The following CXXC4 variants were observed in gnomAD, a reference collection of about 807,000 sequenced individuals.
The protein encoded by CXXC4 is CXXC-type zinc finger protein 4.
A neutral mutation model predicts 20.5 loss-of-function variants in CXXC4; 5 were observed. The observed-to-expected ratio is 0.24, with a 90% confidence interval of 0.13 to 0.51. The LOEUF (loss-of-function observed/expected upper bound fraction) is 0.51. CXXC4 is among the 20% of genes least tolerant of loss of function. CXXC4 has a pLI of 0.97. For missense variants in CXXC4, 419 were observed against 496.4 expected, an observed-to-expected ratio of 0.84 and a Z score of 1.48; for synonymous variants, 250 against 216.4, an observed-to-expected ratio of 1.16 and a Z score of -1.36.
chr4:104,491,341 G>T lies in CXXC4; in HGVS notation c.462C>A (p.Pro154=), dbSNP rs773309627. 1.3e-6 allele frequency: 2 copies of T among 1,547,072 alleles called. No individual in the cohort carries two copies. Among genetic ancestry groups the T allele is most frequent in the East Asian group, 5.0e-5 (2 of 40,172 alleles). Residue 154 remains proline, a synonymous_variant, in exon 2 of 3, where the codon CCC becomes CCA. Transcript: ENST00000394767. ...CGCCGCCGCCGCCGCCACCGCCGGCGGGGAGGATCGCCGAGGAGGAGGAGG... is the reference window on the plus strand; with the variant it reads ...CGCCGCCGCCGCCGCCACCGCCGGCTGGGAGGATCGCCGAGGAGGAGGAGG... ...SSASSSSAIL[P]AGGGGGGGGG...
chr4:104,484,989 TA>T (rs781593246), intron 2 of CXXC4, among the ~76,000 whole-genome samples: 46 of 152,150 alleles, frequency 3.0e-4, no homozygotes, highest in Admixed American at 6.5e-4. Context: ...ATGCTAGATT[TA>T]AAAGTATGTT....
intron 2 of CXXC4, among the ~76,000 whole-genome samples, chr4:104,472,800 G>A (rs1196449801): frequency 1.3e-5 from 2 of 151,904 alleles, no homozygotes; most frequent in African/African-American, 4.8e-5. Flanking sequence ...ACATAATGAA[G>A]AAAGAAAGGA....
chr4:104,486,905 T>C (rs1736712449), intron 2 of CXXC4, among the ~76,000 whole-genome samples: 2 of 152,156 alleles, frequency 1.3e-5, no homozygotes, highest in African/African-American at 4.8e-5. Flanking sequence ...ACAATTGCCA[T>C]TTATGGTTGG....
At chr4:104,489,178 T>A (rs535270356) in intron 2 of CXXC4, among the ~76,000 whole-genome samples, 2 of 152,246 alleles carry the variant, frequency 1.3e-5, no homozygotes, top group Admixed American at 6.5e-5. Context: ...TAATAAACCA[T>A]CCAGGAGTAA....
chr4:104,487,156 A>G (rs1736721529), intron 2 of CXXC4, among the ~76,000 whole-genome samples: 1 of 152,136 alleles, frequency 6.6e-6, no homozygotes, highest in Admixed American at 6.5e-5. Flanking sequence ...CCAGTCTCTC[A>G]ATGTCTTCAC....
At chr4:104,483,455 C>T (rs531200035) in intron 2 of CXXC4, among the ~76,000 whole-genome samples, 2 of 151,798 alleles carry the variant, frequency 1.3e-5, no homozygotes, top group Admixed American at 6.6e-5. Context: ...CCAGCTATTC[C>T]GATTAATGCT....
chr4:104,480,433 T>C (rs933422532), intron 2 of CXXC4, among the ~76,000 whole-genome samples: 1 of 152,202 alleles, frequency 6.6e-6, no homozygotes, highest in Non-Finnish European at 1.5e-5. Flanking sequence ...CAGTTCATTA[T>C]AGGGGTTGGA....
In CXXC4 at chr4:104,469,688, GAACTTTAT is replaced by G. The variant is rs1448401951; in HGVS notation, c.*2626_*2633del. On this transcript the variant is annotated 3_prime_UTR_variant, in exon 3 of 3. Coordinates refer to ENST00000394767, the MANE Select transcript of CXXC4 (RefSeq NM_025212.4). ...TCTCTTTCTTCAACATCACCAATGA[GAACTTTAT>G]ATGCATCCTACATTATATAAATGGA... The G allele has an allele frequency of 6.6e-6, 1 of 151,854 alleles. No individual in the cohort carries two copies. 9.4% of individuals were successfully genotyped at this position (151,854 alleles called of 1,614,324 possible). A position where few individuals can be genotyped will look rare whatever the true frequency, so the allele number is the denominator to read the frequency against.
intron 2 of CXXC4, 33 bp downstream of exon 2, chr4:104,490,711 G>A: frequency 1.3e-6 from 2 of 1,555,344 alleles, no homozygotes; most frequent in Non-Finnish European, 1.8e-6. Flanking sequence ...GGGAAGGGGG[G>A]AGACTGGGAA....
At chr4:104,481,304 C>T (rs540671214) in intron 2 of CXXC4, among the ~76,000 whole-genome samples, 3 of 152,102 alleles carry the variant, frequency 2.0e-5, no homozygotes, top group East Asian at 1.9e-4. Flanking sequence ...CTGGGGTGGG[C>T]GGATTACATG....
At chr4:104,487,512 G>C (rs183085428) in intron 2 of CXXC4, among the ~76,000 whole-genome samples, 186 of 152,202 alleles carry the variant, frequency 1.2e-3, no homozygotes, top group African/African-American at 4.1e-3. Context: ...AAAACTGAAG[G>C]ATTATCTTTG....
chr4:104,475,616 G>A (rs1172459150), intron 2 of CXXC4, among the ~76,000 whole-genome samples: 1 of 152,096 alleles, frequency 6.6e-6, no homozygotes, highest in Non-Finnish European at 1.5e-5. Flanking sequence ...AACTAATGAG[G>A]TTATCCTTGT....
intron 1 of CXXC4, among the ~76,000 whole-genome samples, chr4:104,492,314 A>C (rs1031866939): frequency 4.0e-5 from 6 of 150,410 alleles, no homozygotes; most frequent in African/African-American, 1.2e-4. Flanking sequence ...ATGTATTAAT[A>C]GCCAGGATAC....
Position 104,470,883 on chromosome 4 carries a change from C to T in CXXC4, c.*1439G>A, listed in dbSNP as rs1051252516. ...GATGGGACGGCCTTAAGAACCCTGA[C>T]TGTGATAAGAAAACCAACTCCAACA... On this transcript the variant is annotated 3_prime_UTR_variant, in exon 3 of 3. Coordinates refer to ENST00000394767, the MANE Select transcript of CXXC4 (RefSeq NM_025212.4). The T allele has an allele frequency of 6.6e-6, 1 of 152,022 alleles. No homozygotes were observed. The highest frequency in any genetic ancestry group is 2.4e-5 in the African/African-American group (1 of 41,402). The allele number at this position is 152,022 out of a possible 1,614,324, so 9.4% of individuals were successfully genotyped here.
rs1736847217 is a variant in CXXC4, at chr4:104,491,291, T to C, written c.512A>G (p.His171Arg). The change falls in exon 2 of 3, where the codon CAC becomes CGC. Residue 171 changes from histidine (H) to arginine (R), a missense_variant. This residue lies in a region of CXXC4 where 388 missense variants were observed against 416.0 expected (regional missense o/e 0.93). Transcript: ENST00000394767. ...CAGCCTCTGGGAGTCGTTTCGGTGG[T>C]GCATGCTGGTCCTGCTGCCGCCGCC... is the stretch of plus-strand genomic sequence containing the variant. Reference protein sequence around the residue: ...GGGGGSRTSMHHRNDSQRLGK... With the variant: ...GGGGGSRTSMRHRNDSQRLGK... 2 of 1,610,148 alleles carry C rather than the reference T, an allele frequency of 1.2e-6. No homozygotes were observed. The highest frequency in any genetic ancestry group is 2.2e-5 in the East Asian group (1 of 44,570).
chr4:104,476,677 C>T (rs1736415776), intron 2 of CXXC4, among the ~76,000 whole-genome samples: 1 of 152,006 alleles, frequency 6.6e-6, no homozygotes, highest in Non-Finnish European at 1.5e-5. Context: ...CCTATCTTTC[C>T]AATATTTATT....
intron 2 of CXXC4, among the ~76,000 whole-genome samples, chr4:104,485,420 T>C (rs1014667734): frequency 6.6e-6 from 1 of 152,030 alleles, no homozygotes; most frequent in African/African-American, 2.4e-5. Context: ...GTAAAATAAA[T>C]TTAAGAAATT....
rs901759011 is a variant in CXXC4, at chr4:104,468,875, T to C, written c.*3447A>G. 6.6e-6 allele frequency: 1 copy of C among 152,094 alleles called. No homozygotes were observed. The highest frequency in any genetic ancestry group is 1.5e-5 in the Non-Finnish European group (1 of 67,982). The allele number at this position is 152,094 out of a possible 1,614,324, so 9.4% of individuals were successfully genotyped here. ...TTCATTATTTGATTACAGATACTTATCAGCTTAAAGACTTTATATGCTTTA... is the reference window on the plus strand; with the variant it reads ...TTCATTATTTGATTACAGATACTTACCAGCTTAAAGACTTTATATGCTTTA... On this transcript the variant is annotated 3_prime_UTR_variant, in exon 3 of 3. Transcript: ENST00000394767.
At chr4:104,474,225 A>T (rs913683908) in intron 2 of CXXC4, among the ~76,000 whole-genome samples, 2 of 151,974 alleles carry the variant, frequency 1.3e-5, no homozygotes, top group African/African-American at 2.4e-5. Context: ...TGATCTTATT[A>T]ACCTGTTATA....
Sources: gnomAD v4.1 joint callset for allele counts (sites outside exome capture counted in the v4.1 genomes callset) on GRCh38, gnomAD v4.1.1 for gene constraint, gnomAD v4.1.1 regional missense constraint, MANE v1.5 for transcripts, NCBI Gene and HGNC (gene_info 2026-07-23, HGNC 2026-07-21) for gene names.